The following FAM13B variants were observed in gnomAD, a reference collection of about 807,000 sequenced individuals.
FAM13B encodes the protein family with sequence similarity 13 member B, also known as protein FAM13B.
FAM13B carries 60 observed loss-of-function variants against 117.3 expected under a neutral mutation model. The observed-to-expected ratio is 0.51, with a 90% CI of 0.42 to 0.63. The LOEUF is 0.63. Among genes scored for constraint, FAM13B ranks in the 30% least tolerant of loss-of-function variants. FAM13B has a pLI of 0.00. For missense variants in FAM13B, 972 were observed against 1,091.9 expected (o/e 0.89, Z 1.55); for synonymous variants, 332 against 356.1 (o/e 0.93, Z 0.76).
At chr5:137,998,344 G>GT (rs1486381534) in intron 7 of FAM13B, among the ~76,000 whole-genome samples, 1 of 152,196 alleles carries the variant, frequency 6.6e-6, no homozygotes, top group Non-Finnish European at 1.5e-5. Context: ...GGGCCAGTCC[G>GT]TGACAGAGAA....
At chr5:138,015,775 C>T (rs1448790443) in intron 4 of FAM13B, among the ~76,000 whole-genome samples, 1 of 152,186 alleles carries the variant, frequency 6.6e-6, no homozygotes, top group African/African-American at 2.4e-5. Flanking sequence ...GATCTAGACA[C>T]CTTCCCAAAA....
At chr5:137,972,157 C>A (rs1248354419) in intron 10 of FAM13B, among the ~76,000 whole-genome samples, 2 of 149,146 alleles carry the variant, frequency 1.3e-5, no homozygotes, top group African/African-American at 2.5e-5. Context: ...GAGACACAAC[C>A]AAAAAAGAGA....
chr5:138,005,259 T>G (rs1225034956), intron 7 of FAM13B, among the ~76,000 whole-genome samples: 1 of 152,112 alleles, frequency 6.6e-6, no homozygotes, highest in Non-Finnish European at 1.5e-5. Flanking sequence ...ATAAATTAAT[T>G]AATTAACAAA....
intron 10 of FAM13B, among the ~76,000 whole-genome samples, chr5:137,973,717 C>T (rs1475768660): frequency 6.8e-6 from 1 of 147,666 alleles, no homozygotes; most frequent in Non-Finnish European, 1.5e-5. Flanking sequence ...TGACAAAGGG[C>T]TAATATCCAG....
chr5:137,958,996 G>C (rs1767355201), intron 13 of FAM13B, among the ~76,000 whole-genome samples: 2 of 152,122 alleles, frequency 1.3e-5, no homozygotes, highest in African/African-American at 4.8e-5. Context: ...GAAGTAAAAA[G>C]AGAACTTTAT....
chr5:138,006,192 C>G (rs946056440), intron 7 of FAM13B, among the ~76,000 whole-genome samples: 1 of 152,130 alleles, frequency 6.6e-6, no homozygotes, highest in African/African-American at 2.4e-5. Context: ...CCACCGCGCC[C>G]GGCCTATTTC....
At chr5:138,000,488 C>CAG (rs1214315860) in intron 7 of FAM13B, among the ~76,000 whole-genome samples, 3 of 152,086 alleles carry the variant, frequency 2.0e-5, no homozygotes, top group Admixed American at 6.6e-5. Flanking sequence ...AACAAAAGTT[C>CAG]TTTAGGGTGC....
chr5:137,967,139 C>T (rs768708515), intron 10 of FAM13B, among the ~76,000 whole-genome samples: 5 of 150,100 alleles, frequency 3.3e-5, no homozygotes, highest in Non-Finnish European at 5.9e-5. Flanking sequence ...TAAAGTTTAA[C>T]ACCATCAAAA....
chr5:138,036,156 G>A, upstream of FAM13B: 1 of 350,554 alleles, frequency 2.9e-6, no homozygotes, highest in South Asian at 2.1e-5. Flanking sequence ...CATTCTCACT[G>A]TAGTTCTGTA....
At chr5:137,971,375 A>G (rs370548908) in intron 10 of FAM13B, among the ~76,000 whole-genome samples, 1,862 of 151,708 alleles carry the variant, frequency 0.012, 40 homozygotes, top group African/African-American at 0.043. Flanking sequence ...GGTACATAAC[A>G]AAATGAAGGC....
At chr5:137,961,309 T>C (rs1420805074) in intron 11 of FAM13B, among the ~76,000 whole-genome samples, 1 of 71,734 alleles carries the variant, frequency 1.4e-5, no homozygotes, top group Non-Finnish European at 2.7e-5. Context: ...GAGAGCTTTT[T>C]CCAAAAACAA....
intron 1 of FAM13B, among the ~76,000 whole-genome samples, chr5:138,038,949 T>A (rs1293381951): frequency 1.3e-5 from 2 of 152,206 alleles, no homozygotes; most frequent in South Asian, 4.1e-4. Context: ...GTTAACATAA[T>A]GTGGATTTCA....
intron 10 of FAM13B, among the ~76,000 whole-genome samples, chr5:137,969,978 G>A (rs1457337296): frequency 5.3e-5 from 8 of 152,166 alleles, no homozygotes; most frequent in Admixed American, 1.3e-4. Context: ...CCAAATCTAC[G>A]TCTGATTGGT....
intron 7 of FAM13B, among the ~76,000 whole-genome samples, chr5:137,990,814 A>G (rs942382043): frequency 6.6e-6 from 1 of 152,134 alleles, no homozygotes; most frequent in African/African-American, 2.4e-5. Context: ...AATAAGGATT[A>G]AAATAAAATT....
At chr5:138,030,057 T>C (rs1462907862) in intron 1 of FAM13B, among the ~76,000 whole-genome samples, 2 of 152,140 alleles carry the variant, frequency 1.3e-5, no homozygotes, top group African/African-American at 4.8e-5. Context: ...CTTACCACAT[T>C]TTCCTCAGCC....
intron 3 of FAM13B, 53 bp from the exon 4 acceptor site, chr5:138,018,567 C>G (rs969078652): frequency 1.4e-6 from 2 of 1,454,084 alleles, no homozygotes; most frequent in Non-Finnish European, 1.9e-6. Context: ...ACTGCTTGAC[C>G]ATATATATTC....
chr5:137,945,599 C>T (rs911844911), intron 20 of FAM13B, among the ~76,000 whole-genome samples: 3 of 152,182 alleles, frequency 2.0e-5, no homozygotes, highest in African/African-American at 4.8e-5. Flanking sequence ...AGATTAGGCA[C>T]ATCACTCACT....
chr5:137,978,585 C>G (rs1040525090), intron 10 of FAM13B, among the ~76,000 whole-genome samples: 1 of 151,956 alleles, frequency 6.6e-6, no homozygotes, highest in Non-Finnish European at 1.5e-5. Flanking sequence ...ATTTTTGTAC[C>G]TTTGCCTCCC....
At chr5:137,994,870 C>A (rs1779481030) in intron 7 of FAM13B, among the ~76,000 whole-genome samples, 1 of 152,192 alleles carries the variant, frequency 6.6e-6, no homozygotes, top group South Asian at 2.1e-4. Flanking sequence ...ACCACTTACT[C>A]CAGTCACTAA....
Sources: gnomAD v4.1 joint callset for allele counts (sites outside exome capture counted in the v4.1 genomes callset) on GRCh38, gnomAD v4.1.1 for gene constraint, MANE v1.5 for transcripts, NCBI Gene and HGNC (gene_info 2026-07-23, HGNC 2026-07-21) for gene names.